TBCK: variants seen among roughly 807,000 people sequenced by gnomAD.
TBCK encodes TBC domain-containing protein kinase-like protein.
Under a neutral mutation model 113.4 loss-of-function variants are expected in TBCK, and 99 were observed. The ratio of observed to expected loss-of-function variants is 0.87; its 90% CI spans 0.74 to 1.03. The LOEUF (loss-of-function observed/expected upper bound fraction) is 1.03. Ranked by LOEUF, TBCK falls within the 50% of genes least tolerant of loss-of-function variation. The pLI, the probability that TBCK is intolerant of heterozygous loss-of-function variation, is 0.00. For missense variants in TBCK, 1,045 were observed against 1,061.3 expected (o/e 0.98, Z 0.21); for synonymous variants, 369 against 370.8 (o/e 1.00, Z 0.05).
intron 24 of TBCK, among the ~76,000 whole-genome samples, chr4:106,109,801 G>T (rs1742610775): frequency 6.6e-6 from 1 of 152,156 alleles, no homozygotes; most frequent in African/African-American, 2.4e-5. Flanking sequence ...AAGAGCTTCT[G>T]CACAGCAAAA....
intron 20 of TBCK, among the ~76,000 whole-genome samples, chr4:106,205,977 AAT>A (rs1392655534): frequency 3.9e-5 from 6 of 152,156 alleles, no homozygotes; most frequent in Non-Finnish European, 7.3e-5. Flanking sequence ...TTCTCAGAAA[AAT>A]ATGTTACTTT....
Position 106,246,659 on chromosome 4 carries a change from A to T in TBCK, c.931+480T>A, listed in dbSNP as rs114937175. On this transcript the variant is annotated intron_variant, in intron 10 of 25. Coordinates refer to ENST00000394708, the MANE Select transcript of TBCK (RefSeq NM_001163435.3). ...GAGGCACAGGCTCACTTAAAGATTC[A>T]GAACTAATCACAGGATTGACTACAG... Among the ~76,000 whole-genome samples, 942 of 152,246 alleles carry T rather than the reference A, an allele frequency of 6.2e-3. 7 individuals carry two copies. Among genetic ancestry groups the T allele is most frequent in the African/African-American group, 0.022 (895 of 41,558 alleles).
chr4:106,231,778 A>T lies in TBCK; in HGVS notation c.1641T>A (p.Gly547=), dbSNP rs748647612. ...GGAATGGAGCACAAAGTGAGTCAAGACCTAACACAGAGGGGTTGGGAGAAA... is the reference window on the plus strand; with the variant it reads ...GGAATGGAGCACAAAGTGAGTCAAGTCCTAACACAGAGGGGTTGGGAGAAA... The part of the protein sequence containing the change: ...VSHPDLVYWQ[G]LDSLCAPFLY... The change falls in exon 18 of 26, where the codon GGT becomes GGA. Residue 547 remains glycine (G), a splice_region_variant and synonymous_variant. Transcript: ENST00000394708. The T allele has an allele frequency of 9.7e-5, 156 of 1,609,768 alleles. No homozygotes were observed. Among genetic ancestry groups the T allele is most frequent in the Non-Finnish European group, 1.3e-4 (149 of 1,177,778 alleles).
intron 19 of TBCK, among the ~76,000 whole-genome samples, 185 bp from the exon 20 acceptor site, chr4:106,213,020 A>C (rs1579258670): frequency 1.3e-5 from 2 of 152,220 alleles, no homozygotes; most frequent in African/African-American, 4.8e-5. Context: ...GCACACCAAC[A>C]AACTGTCATA....
At chr4:106,244,502 C>CA in intron 11 of TBCK, 124 bp downstream of exon 11, 8 of 886,788 alleles carry the variant, frequency 9.0e-6, no homozygotes, top group East Asian at 3.2e-5. Flanking sequence ...GGATGCCTAC[C>CA]AAAAAAATTT....
Position 106,116,343 on chromosome 4 carries a change from T to C in TBCK, c.2271A>G (p.Ser757=), listed in dbSNP as rs774324824. ...RESIPLNDLK[S]EVSPRISAED... is the part of the protein sequence containing the mutation. The stretch of plus-strand genomic sequence containing the variant: ...CTGCTGAAATCCGTGGTGATACTTC[T>C]GACTTCAGGTCATTTAATGGGATGG... The change falls in exon 24 of 26, where the codon TCA becomes TCG. Residue 757 remains serine (S), a synonymous_variant. Coordinates refer to ENST00000394708, the MANE Select transcript of TBCK (RefSeq NM_001163435.3). The C allele has an allele frequency of 7.4e-6, 12 of 1,613,656 alleles. No individual in the cohort carries two copies. In the Middle Eastern group the frequency reaches 1.3e-3, roughly 177 times the overall value.
chr4:106,127,005 C>A (rs1402568532), intron 23 of TBCK, among the ~76,000 whole-genome samples: 1 of 151,820 alleles, frequency 6.6e-6, no homozygotes, highest in African/African-American at 2.4e-5. Context: ...GTGAGGAGAT[C>A]GAGACTATTC....
chr4:106,144,761 C>T (rs1489009398), intron 23 of TBCK, among the ~76,000 whole-genome samples: 4 of 152,074 alleles, frequency 2.6e-5, no homozygotes, highest in Admixed American at 1.3e-4. Flanking sequence ...TGGTGGCTCA[C>T]GCCTGTAATC....
At chr4:106,266,013 G>C (rs1180022966) in intron 3 of TBCK, among the ~76,000 whole-genome samples, 3 of 151,638 alleles carry the variant, frequency 2.0e-5, no homozygotes, top group Non-Finnish European at 4.4e-5. Flanking sequence ...TAAACAAATA[G>C]GGAATGTGTG....
At chr4:106,167,219 T>C (rs1750506962) in intron 23 of TBCK, among the ~76,000 whole-genome samples, 1 of 147,494 alleles carries the variant, frequency 6.8e-6, no homozygotes, top group Non-Finnish European at 1.5e-5. Context: ...TATATTTATA[T>C]ATATATACAA....
At chr4:106,293,741 T>C (rs1352427422) in intron 3 of TBCK, among the ~76,000 whole-genome samples, 1 of 152,212 alleles carries the variant, frequency 6.6e-6, no homozygotes, top group East Asian at 1.9e-4. Context: ...AGATAAATGC[T>C]TTTCTTCCCT....
At chr4:106,211,905 T>C (rs1211265749) in intron 20 of TBCK, among the ~76,000 whole-genome samples, 2 of 152,122 alleles carry the variant, frequency 1.3e-5, no homozygotes, top group African/African-American at 4.8e-5. Context: ...TTTAATGATA[T>C]GTAATGTGAA....
intron 25 of TBCK, among the ~76,000 whole-genome samples, chr4:106,071,559 A>C (rs1338651625): frequency 6.6e-6 from 1 of 152,222 alleles, no homozygotes; most frequent in African/African-American, 2.4e-5. Context: ...TGGTGCCAAG[A>C]AGAATGTATA....
chr4:106,217,155 C>A (rs1226056647), intron 19 of TBCK, among the ~76,000 whole-genome samples: 1 of 151,744 alleles, frequency 6.6e-6, no homozygotes, highest in Non-Finnish European at 1.5e-5. Context: ...AGGCCTTTGA[C>A]AAAATTCAAC....
intron 24 of TBCK, among the ~76,000 whole-genome samples, chr4:106,106,092 A>G (rs1399771858): frequency 6.6e-6 from 1 of 152,190 alleles, no homozygotes; most frequent in Non-Finnish European, 1.5e-5. Flanking sequence ...CTAAAATAAA[A>G]AAAAAAAGAA....
chr4:106,120,107 G>A (rs928025486), intron 23 of TBCK, among the ~76,000 whole-genome samples: 10 of 152,140 alleles, frequency 6.6e-5, no homozygotes, highest in African/African-American at 1.4e-4. Flanking sequence ...AAATGGGTGC[G>A]CGCACCGTGC....
intron 18 of TBCK, 141 bp downstream of exon 18, chr4:106,231,588 T>C (rs1758862693): frequency 3.2e-6 from 2 of 621,118 alleles, no homozygotes; most frequent in Non-Finnish European, 5.3e-6. Flanking sequence ...ATCTCTAAAA[T>C]GAGTCTATAA....
intron 24 of TBCK, among the ~76,000 whole-genome samples, chr4:106,096,577 C>T (rs951904904): frequency 2.0e-5 from 3 of 152,144 alleles, no homozygotes; most frequent in East Asian, 1.9e-4. Flanking sequence ...TGCCTGCCCA[C>T]CTGCTGTTTT....
chr4:106,113,096 C>T (rs1743047877), intron 24 of TBCK, among the ~76,000 whole-genome samples: 3 of 152,140 alleles, frequency 2.0e-5, no homozygotes, highest in Admixed American at 1.3e-4. Context: ...GGAGAGTCCA[C>T]CCGATATGTC....
Sources: gnomAD v4.1 joint callset for allele counts (sites outside exome capture counted in the v4.1 genomes callset) on GRCh38, gnomAD v4.1.1 for gene constraint, MANE v1.5 for transcripts, NCBI Gene and HGNC (gene_info 2026-07-23, HGNC 2026-07-21) for gene names.